Variants in CCDC83 observed in about 807,000 individuals in gnomAD.
CCDC83 encodes coiled-coil domain-containing protein 83.
Under a neutral mutation model 50.1 loss-of-function variants are expected in CCDC83, and 54 were observed. The ratio of observed to expected loss-of-function variants is 1.08; its 90% CI spans 0.87 to 1.35. The LOEUF (loss-of-function observed/expected upper bound fraction) is 1.35. Ranked by LOEUF, CCDC83 falls within the 40% of genes most tolerant of loss-of-function variation. CCDC83 has a pLI of 0.00. For synonymous variants in CCDC83, 161 were observed against 153.3 expected (o/e 1.05, Z -0.37); for missense variants, 518 against 473.9 (o/e 1.09, Z -0.86).
intron 2 of CCDC83, among the ~76,000 whole-genome samples, chr11:85,869,651 A>G (rs1346184711): frequency 2.6e-5 from 4 of 152,206 alleles, no homozygotes; most frequent in African/African-American, 9.6e-5. Context: ...ACCTTTTCAA[A>G]CTGCTTTAAT....
At chr11:85,916,684 A>G (rs1265316482) in intron 10 of CCDC83, 1 of 159,460 alleles carries the variant, frequency 6.3e-6, no homozygotes, top group Non-Finnish European at 1.4e-5. Flanking sequence ...GGTGGTTTAT[A>G]TGGCTAGCAT....
chr11:85,872,736 G>T (rs2093246170), intron 2 of CCDC83, among the ~76,000 whole-genome samples: 1 of 152,190 alleles, frequency 6.6e-6, no homozygotes, highest in South Asian at 2.1e-4. Context: ...TGCCAGGAAA[G>T]AAGTTTTTAT....
chr11:85,886,941 G>A (rs181136396), intron 5 of CCDC83, among the ~76,000 whole-genome samples: 101 of 152,150 alleles, frequency 6.6e-4, no homozygotes, highest in African/African-American at 2.3e-3. Flanking sequence ...TTCATTCAAT[G>A]GATGGGGTCT....
chr11:85,865,756 C>T (rs760121318), intron 2 of CCDC83, among the ~76,000 whole-genome samples: 15 of 152,006 alleles, frequency 9.9e-5, no homozygotes, highest in Non-Finnish European at 2.1e-4. Context: ...GGCATGGTGG[C>T]GCGTGCCTGT....
intron 2 of CCDC83, 82 bp downstream of exon 2, chr11:85,865,300 C>G: frequency 1.2e-6 from 1 of 838,682 alleles, no homozygotes; most frequent in Non-Finnish European, 2.0e-6. Context: ...CAAATGCAAA[C>G]AATACATGCA....
Position 85,898,971 on chromosome 11 carries a change from G to C in CCDC83, c.628G>C (p.Gly210Arg). ...TQNAVKLIDK[G>R]SYLEIWENDW... ...GAATGCTGTAAAGCTCATTGACAAGGGCAGTTATCTAGAGATCTGGGAGAA... is the reference window on the plus strand; with the variant it reads ...GAATGCTGTAAAGCTCATTGACAAGCGCAGTTATCTAGAGATCTGGGAGAA... Residue 210 changes from glycine (G) to arginine (R), a missense_variant, in exon 7 of 11, where the codon GGC becomes CGC. Coordinates refer to ENST00000342404, the MANE Select transcript of CCDC83 (RefSeq NM_001286159.2). 6.2e-7 allele frequency: 1 copy of C among 1,612,472 alleles called. No homozygotes were observed. The highest frequency in any genetic ancestry group is 8.5e-7 in the Non-Finnish European group (1 of 1,179,036).
chr11:85,886,112 T>G lies in CCDC83; in HGVS notation c.344-88T>G, dbSNP rs185087950. 18 of 958,434 alleles carry G rather than the reference T, an allele frequency of 1.9e-5. No individual in the cohort carries two copies. The East Asian group carries it at 4.9e-4, about 26-fold the overall frequency. 59.4% of individuals were successfully genotyped at this position (958,434 alleles called of 1,614,324 possible). On this transcript the variant is annotated intron_variant, in intron 4 of 10. Coordinates refer to ENST00000342404, the MANE Select transcript of CCDC83 (RefSeq NM_001286159.2). ...TATTTATGAGTTAACAGTATTTTAATATCAGATCTTAACTTCTTAAAACCA... is the reference window on the plus strand; with the variant it reads ...TATTTATGAGTTAACAGTATTTTAAGATCAGATCTTAACTTCTTAAAACCA...
chr11:85,899,603 G>C (rs563207904), intron 7 of CCDC83, among the ~76,000 whole-genome samples: 1 of 152,084 alleles, frequency 6.6e-6, no homozygotes, highest in Non-Finnish European at 1.5e-5. Flanking sequence ...GAAATCTTGG[G>C]AGCTCCTTCC....
chr11:85,873,665 CAG>C (rs2093253042), intron 3 of CCDC83, among the ~76,000 whole-genome samples: 1 of 152,090 alleles, frequency 6.6e-6, no homozygotes, highest in African/African-American at 2.4e-5. Flanking sequence ...TTTAGATTTT[CAG>C]AGAGTATGCG....
chr11:85,869,138 T>A (rs990649482), intron 2 of CCDC83, among the ~76,000 whole-genome samples: 1 of 152,232 alleles, frequency 6.6e-6, no homozygotes, highest in African/African-American at 2.4e-5. Flanking sequence ...ATAAACAAGC[T>A]CTTTCTTACC....
At chr11:85,913,696 A>G (rs1223323443) in intron 8 of CCDC83, among the ~76,000 whole-genome samples, 1 of 152,182 alleles carries the variant, frequency 6.6e-6, no homozygotes, top group Non-Finnish European at 1.5e-5. Flanking sequence ...ACTTTTTCCC[A>G]TCTCAACTCA....
At chr11:85,907,095 T>C (rs1365160397) in intron 7 of CCDC83, among the ~76,000 whole-genome samples, 3 of 152,114 alleles carry the variant, frequency 2.0e-5, no homozygotes, top group East Asian at 1.9e-4. Flanking sequence ...ATTAATTTCT[T>C]TGGTGAAAGT....
intron 5 of CCDC83, among the ~76,000 whole-genome samples, chr11:85,889,594 G>A (rs990438557): frequency 1.3e-5 from 2 of 152,128 alleles, no homozygotes; most frequent in Non-Finnish European, 2.9e-5. Context: ...ACATGTTGGG[G>A]ACCACTAACT....
At chr11:85,908,970 G>A (rs192413998) in intron 7 of CCDC83, among the ~76,000 whole-genome samples, 39 of 152,222 alleles carry the variant, frequency 2.6e-4, no homozygotes, top group Non-Finnish European at 3.8e-4. Context: ...GTCTCGCTCT[G>A]TCACCTGGGC....
chr11:85,892,677 C>T (rs901776246), intron 5 of CCDC83, among the ~76,000 whole-genome samples: 2 of 152,080 alleles, frequency 1.3e-5, no homozygotes, highest in African/African-American at 4.8e-5. Flanking sequence ...CCATTATGCT[C>T]CTGATCCATT....
intron 10 of CCDC83, among the ~76,000 whole-genome samples, chr11:85,916,941 T>G (rs1269816902): frequency 6.6e-6 from 1 of 151,498 alleles, no homozygotes; most frequent in Non-Finnish European, 1.5e-5. Flanking sequence ...TGAAACCCTA[T>G]CTCTACTAAA....
chr11:85,917,156 G>GA (rs1565159876), intron 10 of CCDC83, among the ~76,000 whole-genome samples: 133 of 97,814 alleles, frequency 1.4e-3, no homozygotes, highest in African/African-American at 5.2e-3. Flanking sequence ...GAGAGAGAGA[G>GA]AGAGAGAGAG....
intron 8 of CCDC83, among the ~76,000 whole-genome samples, chr11:85,913,321 T>C (rs976315561): frequency 1.3e-5 from 2 of 152,216 alleles, no homozygotes; most frequent in African/African-American, 2.4e-5. Flanking sequence ...CTTTACTAGA[T>C]TGTAAACTCC....
chr11:85,868,411 G>C (rs2093219658), intron 2 of CCDC83, among the ~76,000 whole-genome samples: 1 of 152,178 alleles, frequency 6.6e-6, no homozygotes, highest in African/African-American at 2.4e-5. Flanking sequence ...GTCTCACTCT[G>C]TCACCCAGGC....
Sources: gnomAD v4.1 joint callset for allele counts (sites outside exome capture counted in the v4.1 genomes callset) on GRCh38, gnomAD v4.1.1 for gene constraint, MANE v1.5 for transcripts, NCBI Gene and HGNC (gene_info 2026-07-23, HGNC 2026-07-21) for gene names.